The following OSBP2 variants were observed in gnomAD, a reference collection of about 807,000 sequenced individuals.
OSBP2 encodes the protein oxysterol binding protein 2.
Under a neutral mutation model 96.0 loss-of-function variants are expected in OSBP2, and 66 were observed. The ratio of observed to expected loss-of-function variants is 0.69; its 90% CI spans 0.56 to 0.84. The LOEUF is 0.84. OSBP2 is among the 40% of genes least tolerant of loss of function. The probability of loss-of-function intolerance (pLI) is 0.00; values close to 1 mark genes in which losing one functional copy is unlikely to be tolerated. For missense variants in OSBP2, 1,038 were observed against 1,222.7 expected (o/e 0.85, Z 2.25); for synonymous variants, 525 against 520.9 (o/e 1.01, Z -0.11).
At chr22:30,711,697 A>G (rs111957253) in intron 1 of OSBP2, among the ~76,000 whole-genome samples, 3 of 149,878 alleles carry the variant, frequency 2.0e-5, no homozygotes, top group African/African-American at 7.4e-5. Flanking sequence ...CCAAGATCAC[A>G]TTACTGCACT....
In OSBP2 at chr22:30,890,231, C is replaced by T. The variant is rs370561188; in HGVS notation, c.1624-497C>T. On this transcript the variant is annotated intron_variant, in intron 7 of 13. Coordinates refer to ENST00000332585, the MANE Select transcript of OSBP2 (RefSeq NM_030758.4). This position sits in a 1 kb window ranked among gnomAD's most constrained non-coding sequence, Gnocchi z 4.4. ...AAGATAACACGAGGAAGCTGAGACT[C>T]GTACCCGATGGCATCATGGTGGGGA... Among the ~76,000 whole-genome samples, 2 of 152,140 alleles carry T rather than the reference C, an allele frequency of 1.3e-5. No individual in the cohort carries two copies. The highest frequency in any genetic ancestry group is 4.8e-5 in the African/African-American group (2 of 41,408).
At chr22:30,780,906 G>A (rs2090509944) in intron 2 of OSBP2, among the ~76,000 whole-genome samples, 1 of 152,164 alleles carries the variant, frequency 6.6e-6, no homozygotes, top group Admixed American at 6.5e-5. Flanking sequence ...AGGGAGCTGG[G>A]CTTTCCCAGG....
Position 30,893,840 on chromosome 22 carries a change from C to A in OSBP2, c.2214C>A (p.Ser738Arg), listed in dbSNP as rs1419715882. 3 of 1,589,556 alleles carry A rather than the reference C, an allele frequency of 1.9e-6. No homozygotes were observed. The highest frequency in any genetic ancestry group is 3.6e-5 in the Admixed American group (2 of 54,910). Residue 738 changes from serine to arginine, a missense_variant, in exon 12 of 14, where the codon AGC becomes AGA. This residue lies in a region of OSBP2 where 737 missense variants were observed against 913.3 expected (regional missense o/e 0.81). Transcript: ENST00000332585. ...AGGTGACAGGAGTGGTGAGTGACAG[C>A]CAGGGCAAGGCCCATTACGTGCTGT... ...ARKVTGVVSDSQGKAHYVLSG... is the reference protein window; with the variant it reads ...ARKVTGVVSDRQGKAHYVLSG...
chr22:30,802,212 C>A (rs1038146812), intron 2 of OSBP2, among the ~76,000 whole-genome samples: 4 of 152,134 alleles, frequency 2.6e-5, no homozygotes, highest in Non-Finnish European at 5.9e-5. Flanking sequence ...ATCAATGACC[C>A]CCCAGGGACT....
intron 1 of OSBP2, among the ~76,000 whole-genome samples, chr22:30,711,724 AATGAGACCCT>A (rs1425983654): frequency 2.0e-5 from 3 of 148,870 alleles, no homozygotes; most frequent in Non-Finnish European, 4.5e-5. Flanking sequence ...TGGGTGACAC[AATGAGACCCT>A]ATCTCAAAAA....
chr22:30,742,692 G>A (rs898134305), intron 2 of OSBP2, among the ~76,000 whole-genome samples: 1 of 152,196 alleles, frequency 6.6e-6, no homozygotes, highest in Non-Finnish European at 1.5e-5. Flanking sequence ...CAACAGTGTA[G>A]TATTTCATTG....
intron 2 of OSBP2, among the ~76,000 whole-genome samples, chr22:30,804,545 T>C (rs1170940122): frequency 6.6e-6 from 1 of 152,114 alleles, no homozygotes; most frequent in Non-Finnish European, 1.5e-5. Flanking sequence ...GCAGTGCTGA[T>C]GGAAATGCAT....
chr22:30,701,955 A>G (rs1370423887), intron 1 of OSBP2, among the ~76,000 whole-genome samples: 3 of 152,228 alleles, frequency 2.0e-5, no homozygotes, highest in Non-Finnish European at 4.4e-5. Flanking sequence ...GACTAGCAGC[A>G]TATTTTGGAG....
intron 1 of OSBP2, among the ~76,000 whole-genome samples, chr22:30,707,641 C>T (rs146570172): frequency 0.015 from 2,234 of 150,404 alleles, 32 homozygotes; most frequent in Middle Eastern, 0.045. Context: ...GGCGTGAACC[C>T]GGGTGGCGGA....
rs560510594 is a variant in OSBP2 at position 30,714,789 on chromosome 22, G to A, written c.644+19236G>A. Among the ~76,000 whole-genome samples, 31 of 152,120 alleles carry A rather than the reference G, an allele frequency of 2.0e-4. 1 individual carries two copies. The highest frequency in any genetic ancestry group is 7.9e-4 in the Admixed American group (12 of 15,272). On this transcript the variant is annotated intron_variant, in intron 1 of 13. Transcript: ENST00000332585. Reference sequence around the variant, plus strand: ...CCACCACCATGCCTGGCTAATTTTTGTATTTTAGTAGAGATGGGGTTTCAC... The same window carrying A: ...CCACCACCATGCCTGGCTAATTTTTATATTTTAGTAGAGATGGGGTTTCAC...
Position 30,887,605 on chromosome 22 carries a change from G to A in OSBP2, c.1287G>A (p.Lys429=), listed in dbSNP as rs904655120. The stretch of plus-strand genomic sequence containing the variant: ...CTGGCCGGCCGGCCAACCCCTCCAA[G>A]AGCTTCATTGAGGGTGAGTGGGCAG... The part of the protein sequence containing the change: ...SAPGRPANPS[K]SFIEGSLLTP... The change falls in exon 4 of 14, where the codon AAG becomes AAA. Residue 429 remains lysine, a synonymous_variant. Coordinates refer to ENST00000332585, the MANE Select transcript of OSBP2 (RefSeq NM_030758.4). The A allele has an allele frequency of 6.3e-7, 1 of 1,599,730 alleles. No homozygotes were observed. The highest frequency in any genetic ancestry group is 1.7e-5 in the Admixed American group (1 of 57,732).
intron 1 of OSBP2, among the ~76,000 whole-genome samples, chr22:30,731,180 A>G (rs1233414101): frequency 6.6e-6 from 1 of 151,986 alleles, no homozygotes; most frequent in South Asian, 2.1e-4. Flanking sequence ...TCTCAAATAA[A>G]TAAATAAATA....
At chr22:30,853,599 T>C (rs1194191463) in intron 2 of OSBP2, among the ~76,000 whole-genome samples, 1 of 152,158 alleles carries the variant, frequency 6.6e-6, no homozygotes, top group African/African-American at 2.4e-5. Context: ...CCTGATAAAG[T>C]CTCTGACTTT....
At chr22:30,750,456 C>G (rs1399208056) in intron 2 of OSBP2, among the ~76,000 whole-genome samples, 1 of 152,128 alleles carries the variant, frequency 6.6e-6, no homozygotes, top group African/African-American at 2.4e-5. Flanking sequence ...AATTAAAATT[C>G]AAAGGCCCCC....
At chr22:30,782,547 T>G (rs566927168) in intron 2 of OSBP2, among the ~76,000 whole-genome samples, 3 of 152,352 alleles carry the variant, frequency 2.0e-5, no homozygotes, top group Non-Finnish European at 2.9e-5. Flanking sequence ...TTGGCTTTTG[T>G]CACCCAGTGT....
intron 3 of OSBP2, among the ~76,000 whole-genome samples, chr22:30,885,249 G>T (rs897986046): frequency 3.3e-5 from 5 of 152,174 alleles, no homozygotes; most frequent in Non-Finnish European, 7.4e-5. Context: ...GGAAGTGCTG[G>T]GGAGTGGCAG....
rs1226761362 is a variant in OSBP2, at chr22:30,871,973, G to A, written c.1107+1291G>A. Among the ~76,000 whole-genome samples, 7 of 152,254 alleles carry A rather than the reference G, an allele frequency of 4.6e-5. No individual in the cohort carries two copies. In the East Asian group the frequency reaches 7.7e-4, roughly 17 times the overall value. ...CCCACCCTGGGGCCTGAGGCTGGGC[G>A]AGGTGTGCCCCCCTTCCCGACTGCT... is the stretch of plus-strand genomic sequence containing the variant. On this transcript the variant is annotated intron_variant, in intron 3 of 13. Transcript: ENST00000332585. The surrounding 1 kb of genome is among the most constrained non-coding windows in gnomAD (Gnocchi z 4.7).
At chr22:30,902,157 G>T in intron 12 of OSBP2, 7 of 398,640 alleles carry the variant, frequency 1.8e-5, no homozygotes, top group Non-Finnish European at 3.1e-5. Flanking sequence ...AAAAAACAGA[G>T]GGTCCCACGG....
intron 1 of OSBP2, among the ~76,000 whole-genome samples, chr22:30,727,238 T>C (rs2089666152): frequency 6.6e-6 from 1 of 152,190 alleles, no homozygotes; most frequent in African/African-American, 2.4e-5. Flanking sequence ...AGGAGGCTCC[T>C]AACGGTGTCC....
Sources: allele counts gnomAD v4.1 joint callset (sites outside exome capture counted in the v4.1 genomes callset), GRCh38; gene constraint gnomAD v4.1.1; regional missense constraint gnomAD v4.1.1; non-coding constraint Gnocchi (gnomAD v3.1); transcripts MANE v1.5; gene names NCBI Gene and HGNC (gene_info 2026-07-23, HGNC 2026-07-21).